Variants in RALYL observed in about 807,000 individuals in gnomAD.
RALYL encodes RNA-binding Raly-like protein.
In RALYL, 29 loss-of-function variants were observed where a neutral mutation model predicts 35.1. That is an observed-to-expected ratio of 0.83 (90% confidence interval 0.61 to 1.13). The LOEUF is 1.13. Among genes scored for constraint, RALYL ranks in the 50% most tolerant of loss-of-function variants. The pLI is 0.00. For missense variants in RALYL, 359 were observed against 360.4 expected, an observed-to-expected ratio of 1.00 and a Z score of 0.03; for synonymous variants, 120 against 127.6, an observed-to-expected ratio of 0.94 and a Z score of 0.40.
intron 1 of RALYL, among the ~76,000 whole-genome samples, chr8:84,412,783 G>T (rs1203926539): frequency 2.6e-5 from 4 of 151,958 alleles, no homozygotes; most frequent in Admixed American, 2.6e-4. Flanking sequence ...AAGGACCCAG[G>T]TAACTACGAT....
At chr8:84,209,083 A>T (rs901107956) in intron 1 of RALYL, among the ~76,000 whole-genome samples, 128 of 151,320 alleles carry the variant, frequency 8.5e-4, no homozygotes, top group Non-Finnish European at 1.3e-3. Flanking sequence ...AAAACATTTA[A>T]AAAGATTTAA....
chr8:84,407,360 C>G (rs1408954319), intron 1 of RALYL, among the ~76,000 whole-genome samples: 1 of 152,052 alleles, frequency 6.6e-6, no homozygotes, highest in African/African-American at 2.4e-5. Context: ...TGAACAGTAT[C>G]TTATTTTGAA....
intron 1 of RALYL, among the ~76,000 whole-genome samples, chr8:84,189,643 G>T (rs947664074): frequency 6.6e-6 from 1 of 150,628 alleles, no homozygotes. Context: ...AGGGAAATTT[G>T]ACATGTAGGA....
chr8:84,470,943 T>C (rs888539163), intron 1 of RALYL, among the ~76,000 whole-genome samples: 1 of 152,204 alleles, frequency 6.6e-6, no homozygotes, highest in Non-Finnish European at 1.5e-5. Flanking sequence ...GCAGATGTCA[T>C]GTTACTATGG....
At chr8:84,220,730 G>C (rs1191982775) in intron 1 of RALYL, among the ~76,000 whole-genome samples, 1 of 151,840 alleles carries the variant, frequency 6.6e-6, no homozygotes, top group East Asian at 1.9e-4. Context: ...ATGCAATTAA[G>C]TCAAACAAGA....
chr8:84,513,000 G>C (rs998469048), intron 1 of RALYL, among the ~76,000 whole-genome samples: 1 of 152,044 alleles, frequency 6.6e-6, no homozygotes, highest in Non-Finnish European at 1.5e-5. Flanking sequence ...GTTTGCTTTG[G>C]CTATCCAGGG....
At chr8:84,892,470 C>T (rs1034340014) in intron 8 of RALYL, among the ~76,000 whole-genome samples, 2 of 151,870 alleles carry the variant, frequency 1.3e-5, no homozygotes, top group African/African-American at 4.8e-5. Context: ...ATTAGCCGGG[C>T]ATGGTAGCAG....
chr8:84,530,355 C>G (rs1014455631), intron 2 of RALYL, among the ~76,000 whole-genome samples: 3 of 151,912 alleles, frequency 2.0e-5, no homozygotes, highest in African/African-American at 7.3e-5. Flanking sequence ...TGTACAGCAT[C>G]TTCTCATGGA....
intron 1 of RALYL, among the ~76,000 whole-genome samples, chr8:84,204,193 T>C (rs1388259206): frequency 2.0e-5 from 3 of 152,040 alleles, no homozygotes; most frequent in African/African-American, 7.2e-5. Context: ...CTCAGTAGTT[T>C]ACCCAAAAGA....
At chr8:84,659,331 G>A (rs1264697226) in intron 2 of RALYL, among the ~76,000 whole-genome samples, 1 of 152,148 alleles carries the variant, frequency 6.6e-6, no homozygotes, top group Admixed American at 6.6e-5. Context: ...CCCAGAGGAA[G>A]TTCTGGAGTT....
At chr8:84,249,378 C>G (rs1829744187) in intron 1 of RALYL, among the ~76,000 whole-genome samples, 1 of 152,030 alleles carries the variant, frequency 6.6e-6, no homozygotes, top group Non-Finnish European at 1.5e-5. Flanking sequence ...TTAGACCTGA[C>G]CTATCTGAGT....
chr8:84,525,603 A>G (rs557202839), intron 1 of RALYL, among the ~76,000 whole-genome samples: 7 of 152,100 alleles, frequency 4.6e-5, no homozygotes, highest in Non-Finnish European at 1.0e-4. Context: ...CTCCAGATTT[A>G]TATATGTTTA....
intron 1 of RALYL, among the ~76,000 whole-genome samples, chr8:84,314,500 C>G (rs1478260160): frequency 2.6e-5 from 4 of 151,326 alleles, no homozygotes; most frequent in African/African-American, 9.7e-5. Context: ...AAATGTCATA[C>G]CAAAAAAGAT....
chr8:84,909,868 A>T (rs1259153044), intron 8 of RALYL, among the ~76,000 whole-genome samples: 2 of 152,150 alleles, frequency 1.3e-5, no homozygotes, highest in African/African-American at 4.8e-5. Flanking sequence ...GCCAAGGAAA[A>T]AGCAGTGACA....
rs1366885489 is a variant in RALYL at position 84,223,194 on chromosome 8, C to CATT, written c.-24+38770_-24+38771insATT. Among the ~76,000 whole-genome samples, 893 of 121,210 alleles carry CATT rather than the reference C, an allele frequency of 7.4e-3. 45 individuals are homozygous for CATT. The highest frequency in any genetic ancestry group is 0.029 in the African/African-American group (819 of 28,030). 79.5% of individuals were successfully genotyped at this position (121,210 alleles called of 152,430 possible). ...CCTTCCCTTCCCTTCCCTTCCCTTC[C>CATT]CTTCCCTTCCATTCCTCCCTTCCCT... On this transcript the variant is annotated intron_variant, in intron 1 of 8. Coordinates refer to ENST00000521268, the MANE Select transcript of RALYL (RefSeq NM_173848.7).
rs902873955 is a variant in RALYL, at chr8:84,393,754, A to G, written c.-23-135545A>G. 7.9e-5 allele frequency among the ~76,000 whole-genome samples: 12 copies of G among 152,224 alleles called. No homozygotes were observed. The East Asian group carries it at 1.6e-3, about 20-fold the overall frequency. On this transcript the variant is annotated intron_variant, in intron 1 of 8. Transcript: ENST00000521268. ...AAGTTGTCGCTAACCCTTATTAGCC[A>G]TATATCTGGGAATTTATTAAACCTT...
At chr8:84,415,180 G>T in intron 1 of RALYL, among the ~76,000 whole-genome samples, 1 of 141,646 alleles carries the variant, frequency 7.1e-6, no homozygotes, top group Non-Finnish European at 1.5e-5. Flanking sequence ...TTTTTTAATG[G>T]AAGTTATTCT....
chr8:84,917,870 A>C (rs1427246588), intron 8 of RALYL, among the ~76,000 whole-genome samples: 1 of 152,066 alleles, frequency 6.6e-6, no homozygotes, highest in Non-Finnish European at 1.5e-5. Flanking sequence ...GTAGGTGCTG[A>C]GAATTAGTCT....
At chr8:84,528,724 G>T (rs552610172) in intron 1 of RALYL, among the ~76,000 whole-genome samples, 1 of 151,990 alleles carries the variant, frequency 6.6e-6, no homozygotes, top group South Asian at 2.1e-4. Context: ...TAAAATTGTG[G>T]TTTTCTTATG....
Sources: gnomAD v4.1 joint callset for allele counts (sites outside exome capture counted in the v4.1 genomes callset) on GRCh38, gnomAD v4.1.1 for gene constraint, MANE v1.5 for transcripts, NCBI Gene and HGNC (gene_info 2026-07-23, HGNC 2026-07-21) for gene names.